SMC6: variants seen among roughly 807,000 people sequenced by gnomAD.
The protein encoded by SMC6 is structural maintenance of chromosomes 6.
SMC6 carries 79 observed loss-of-function variants against 142.2 expected under a neutral mutation model. That is an observed-to-expected ratio of 0.56 (90% CI 0.46 to 0.67). SMC6 has a LOEUF of 0.67. SMC6 is among the 30% of genes least tolerant of loss of function. The pLI is 0.00. For synonymous variants in SMC6, 411 were observed against 412.4 expected, an observed-to-expected ratio of 1.00 and a Z score of 0.04; for missense variants, 1,072 against 1,284.0, an observed-to-expected ratio of 0.83 and a Z score of 2.52.
chr2:17,737,630 G>C (rs1171462550), intron 5 of SMC6, among the ~76,000 whole-genome samples: 2 of 152,160 alleles, frequency 1.3e-5, no homozygotes, highest in East Asian at 3.9e-4. Context: ...TAAATGTAAA[G>C]CCAAAGAGAG....
Position 17,716,861 on chromosome 2 carries a change from T to C in SMC6, c.1226A>G (p.Lys409Arg), listed in dbSNP as rs766533057. The C allele has an allele frequency of 9.3e-6, 15 of 1,612,052 alleles. No homozygotes were observed. The highest frequency in any genetic ancestry group is 1.3e-5 in the African/African-American group (1 of 74,754). Residue 409 changes from lysine (K) to arginine (R), a missense_variant, in exon 14 of 28, where the codon AAA (lysine) becomes AGA (arginine). By Grantham distance (26) the Lys-to-Arg change is conservative. Transcript: ENST00000448223. The part of the protein sequence containing the change: ...LEPERLERQK[K>R]ISWLKERVKA... ...TACTCTCTCTTTTAACCAAGATATT[T>C]TTTTTTGTCTTTCCAACCGTTCAGG...
At chr2:17,735,123 A>C (rs943039965) in intron 5 of SMC6, among the ~76,000 whole-genome samples, 7 of 152,174 alleles carry the variant, frequency 4.6e-5, no homozygotes, top group African/African-American at 7.2e-5. Flanking sequence ...AACAAACAAA[A>C]AAAAAACCAC....
At chr2:17,677,324 T>C (rs1667037277) in intron 25 of SMC6, among the ~76,000 whole-genome samples, 1 of 152,134 alleles carries the variant, frequency 6.6e-6, no homozygotes, top group Admixed American at 6.6e-5. Context: ...TAAGACTTAG[T>C]CCATTTATCA....
At chr2:17,742,136 G>A (rs975631645) in intron 3 of SMC6, among the ~76,000 whole-genome samples, 1 of 152,262 alleles carries the variant, frequency 6.6e-6, no homozygotes, top group Admixed American at 6.5e-5. Context: ...TGTCCCTGGG[G>A]GGCGCAAAAG....
chr2:17,682,294 A>G (rs1027964646), intron 24 of SMC6, among the ~76,000 whole-genome samples: 3 of 152,318 alleles, frequency 2.0e-5, no homozygotes, highest in African/African-American at 7.2e-5. Context: ...TCTGGCTATC[A>G]GATAGTGACT....
intron 7 of SMC6, 45 bp from the exon 8 acceptor site, chr2:17,726,514 T>A: frequency 6.6e-7 from 1 of 1,506,318 alleles, no homozygotes; most frequent in Non-Finnish European, 9.1e-7. Context: ...ACTTTAATGC[T>A]TTAAAGATAG....
intron 23 of SMC6, among the ~76,000 whole-genome samples, chr2:17,692,910 C>G (rs9752694): frequency 0.51 from 77,576 of 151,682 alleles, 22,471 homozygotes; most frequent in African/African-American, 0.78. Context: ...TGAACAGACA[C>G]TTCTCAAAAG....
chr2:17,739,200 A>T (rs1029791255), intron 4 of SMC6, among the ~76,000 whole-genome samples: 1 of 152,084 alleles, frequency 6.6e-6, no homozygotes, highest in Non-Finnish European at 1.5e-5. Flanking sequence ...TTTATACCCT[A>T]ACAGATCTAA....
intron 23 of SMC6, among the ~76,000 whole-genome samples, chr2:17,690,169 G>A (rs1667639014): frequency 6.6e-6 from 1 of 152,182 alleles, no homozygotes; most frequent in South Asian, 2.1e-4. Context: ...GCAGACCATG[G>A]AATTAAAATT....
At position 17,685,128 on chromosome 2, in the gene SMC6, G is replaced by GA. The variant is rs60207604; in HGVS notation, c.2679-1366dup. The stretch of plus-strand genomic sequence containing the variant: ...CATAAATGAGAAAATCAAGCAAAAT[G>GA]AAAAAAAAAGACAAAATGGTTAGAC... On this transcript the variant is annotated intron_variant, in intron 23 of 27. Transcript: ENST00000448223. Among the ~76,000 whole-genome samples the GA allele has an allele frequency of 3.1e-3, 447 of 143,682 alleles. 1 individual carries two copies. Among genetic ancestry groups the GA allele is most frequent in the Admixed American group, 4.5e-3 (66 of 14,610 alleles). The allele number at this position is 143,682 out of a possible 152,430, so 94.3% of individuals were successfully genotyped here. A position where few individuals can be genotyped will look rare whatever the true frequency, so the allele number is the denominator to read the frequency against.
Position 17,716,951 on chromosome 2 carries a change from G to A in SMC6, c.1182-46C>T. The A allele has an allele frequency of 2.6e-6, 4 of 1,560,370 alleles. No individual in the cohort carries two copies. In the Middle Eastern group the frequency reaches 5.2e-4, roughly 205 times the overall value. On this transcript the variant is annotated intron_variant, in intron 13 of 27. Coordinates refer to ENST00000448223, the MANE Select transcript of SMC6 (RefSeq NM_001142286.2). ...GTGAAAAATGTTAGTTCAATGAACAGCCTAACATTTAAAGAACACAAACCG... is the reference window on the plus strand; with the variant it reads ...GTGAAAAATGTTAGTTCAATGAACAACCTAACATTTAAAGAACACAAACCG...
Position 17,695,178 on chromosome 2 carries a change from A to T in SMC6, c.2652T>A (p.Ser884Arg). The stretch of plus-strand genomic sequence containing the variant: ...TCATTATTTCCTCTCGATCTCCATG[A>T]CTAGCATGTTCTGCCTGTATCTTCT... ...LRQKIQAEHASHGDREEIMRQ... is the reference protein window; with the variant it reads ...LRQKIQAEHARHGDREEIMRQ... Residue 884 changes from serine (S) to arginine (R), a missense_variant, in exon 23 of 28, where the codon AGT becomes AGA. Physicochemically the swap from Ser to Arg is moderately radical, Grantham distance 110 (BLOSUM62 -1). Around this residue, in one of 3 missense-constraint regions of SMC6, gnomAD observed 994 missense variants for 1,153.2 expected, o/e 0.86. Coordinates refer to ENST00000448223, the MANE Select transcript of SMC6 (RefSeq NM_001142286.2). 6.2e-7 allele frequency: 1 copy of T among 1,613,496 alleles called. No individual in the cohort carries two copies. Among genetic ancestry groups the T allele is most frequent in the Non-Finnish European group, 8.5e-7 (1 of 1,179,796 alleles).
At chr2:17,748,158 T>G (rs574229616) in intron 2 of SMC6, among the ~76,000 whole-genome samples, 16 of 152,310 alleles carry the variant, frequency 1.1e-4, no homozygotes, top group Admixed American at 8.5e-4. Context: ...ACTCCTCATA[T>G]TTAAAGTGTG....
chr2:17,701,527 T>C (rs969927843), intron 20 of SMC6, among the ~76,000 whole-genome samples: 4 of 152,248 alleles, frequency 2.6e-5, no homozygotes, highest in African/African-American at 9.6e-5. Flanking sequence ...AAAAACACTA[T>C]GCTCAACAGC....
intron 23 of SMC6, among the ~76,000 whole-genome samples, chr2:17,694,013 AAAAAAAAAAAAG>A (rs1043990462): frequency 2.7e-5 from 4 of 148,154 alleles, no homozygotes; most frequent in Non-Finnish European, 5.9e-5. Context: ...AAAAAAAAAA[AAAAAAAAAAAAG>A]AATGAAATCC....
chr2:17,709,442 GA>G (rs2124970685), intron 16 of SMC6, among the ~76,000 whole-genome samples: 1 of 152,276 alleles, frequency 6.6e-6, no homozygotes. Flanking sequence ...CAATAGCACT[GA>G]AAAATGAACA....
intron 5 of SMC6, among the ~76,000 whole-genome samples, chr2:17,736,416 C>G (rs1670152542): frequency 6.6e-6 from 1 of 152,030 alleles, no homozygotes; most frequent in African/African-American, 2.4e-5. Context: ...CTACCCTGGT[C>G]TAAGTACTTC....
chr2:17,730,540 C>T (rs1215059210), intron 7 of SMC6, among the ~76,000 whole-genome samples: 1 of 151,706 alleles, frequency 6.6e-6, no homozygotes, highest in African/African-American at 2.4e-5. Context: ...ATGCTCTTGA[C>T]TGGTCTATCA....
chr2:17,734,688 G>C lies in SMC6; in HGVS notation c.345-2811C>G, dbSNP rs528972768. On this transcript the variant is annotated intron_variant, in intron 5 of 27. Transcript: ENST00000448223. ...GTATTTAAACTATCTTTAGTACAGT[G>C]AGAACTTCAGAAGCACTGATATCCT... Among the ~76,000 whole-genome samples, 5 of 152,118 alleles carry C rather than the reference G, an allele frequency of 3.3e-5. No individual in the cohort carries two copies. In the East Asian group the frequency reaches 9.6e-4, roughly 29 times the overall value.
Sources: gnomAD v4.1 joint callset for allele counts (sites outside exome capture counted in the v4.1 genomes callset) on GRCh38, gnomAD v4.1.1 for gene constraint, gnomAD v4.1.1 regional missense constraint, MANE v1.5 for transcripts, NCBI Gene and HGNC (gene_info 2026-07-23, HGNC 2026-07-21) for gene names.